Variants in HIGD1C observed in about 807,000 individuals in gnomAD.
HIGD1C encodes HIG1 hypoxia inducible domain family member 1C, also known as HIG1 domain family member 1C.
Under a neutral mutation model 13.1 loss-of-function variants are expected in HIGD1C, and 11 were observed. The ratio of observed to expected loss-of-function variants is 0.84; its 90% CI spans 0.53 to 1.39. The LOEUF is 1.39. HIGD1C is among the 40% of genes most tolerant of loss of function. The probability of loss-of-function intolerance (pLI) is 0.00; values close to 1 mark genes in which losing one functional copy is unlikely to be tolerated. For synonymous variants in HIGD1C, 36 were observed against 37.7 expected, an observed-to-expected ratio of 0.95 and a Z score of 0.17; for missense variants, 110 against 112.0, an observed-to-expected ratio of 0.98 and a Z score of 0.08.
chr12:50,950,843 A>AT (rs891030456), upstream of HIGD1C, among the ~76,000 whole-genome samples: 19 of 151,198 alleles, frequency 1.3e-4, no homozygotes, highest in South Asian at 6.3e-4. Context: ...CGCCCAGCTA[A>AT]TTTTTTTTGT....
chr12:50,941,805 G>A, the HIGD1C span, among the ~76,000 whole-genome samples: 2 of 152,114 alleles, frequency 1.3e-5, no homozygotes, highest in Non-Finnish European at 2.9e-5. Flanking sequence ...CTATCAACCA[G>A]GACTGATTCC....
At chr12:50,954,078 C>A (rs1303885730) in exon 1 of HIGD1C, 3 of 1,607,742 alleles carry the variant, frequency 1.9e-6, no homozygotes, top group Admixed American at 3.3e-5. Context: ...AGAGACTCCC[C>A]CTTTGTCCCT....
chr12:50,942,752 T>C, the HIGD1C span, among the ~76,000 whole-genome samples: 1 of 151,958 alleles, frequency 6.6e-6, no homozygotes, highest in Non-Finnish European at 1.5e-5. Context: ...TGGTCCCAGC[T>C]ACTCAGGAGG....
upstream of HIGD1C, chr12:50,953,893 A>AAAAC: frequency 1.6e-6 from 1 of 643,784 alleles, no homozygotes. Flanking sequence ...CAAACAAATG[A>AAAAC]AAACAAAAAA....
upstream of HIGD1C, among the ~76,000 whole-genome samples, chr12:50,952,912 T>C (rs75867667): frequency 0.018 from 2,807 of 152,236 alleles, 78 homozygotes; most frequent in African/African-American, 0.064. Flanking sequence ...AGTCAGGTAC[T>C]AAGACTCAAC....
chr12:50,957,207 C>T (rs1345858953), intron 1 of HIGD1C, among the ~76,000 whole-genome samples: 1 of 146,714 alleles, frequency 6.8e-6, no homozygotes, highest in Non-Finnish European at 1.5e-5. Flanking sequence ...AAATTACTTG[C>T]TTTTTTTTCT....
the HIGD1C span, among the ~76,000 whole-genome samples, chr12:50,943,987 C>T: frequency 4.6e-5 from 7 of 152,150 alleles, no homozygotes; most frequent in African/African-American, 1.7e-4. Context: ...TTCAACGATG[C>T]TTATAAATCT....
chr12:50,964,185 T>C (rs1939454550), intron 2 of HIGD1C, among the ~76,000 whole-genome samples: 1 of 152,208 alleles, frequency 6.6e-6, no homozygotes, highest in African/African-American at 2.4e-5. Context: ...TGCATTCATA[T>C]CAAAATAAGG....
At chr12:50,938,995 G>A in the HIGD1C span, among the ~76,000 whole-genome samples, 46 of 152,238 alleles carry the variant, frequency 3.0e-4, no homozygotes, top group African/African-American at 1.1e-3. Context: ...GTACAAAGAA[G>A]TGGCTTCCTA....
the HIGD1C span, among the ~76,000 whole-genome samples, chr12:50,934,513 G>C: frequency 1.3e-5 from 2 of 152,204 alleles, no homozygotes; most frequent in Non-Finnish European, 2.9e-5. Context: ...GCCTGGCTTA[G>C]AGCCCTGAAT....
At chr12:50,964,608 T>C (rs1939472931) in intron 2 of HIGD1C, among the ~76,000 whole-genome samples, 1 of 152,204 alleles carries the variant, frequency 6.6e-6, no homozygotes, top group African/African-American at 2.4e-5. Flanking sequence ...ACAGCCCTGA[T>C]ATTAGGCAGT....
At chr12:50,952,129 T>G (rs951941049), upstream of HIGD1C, among the ~76,000 whole-genome samples, 1 of 151,062 alleles carries the variant, frequency 6.6e-6, no homozygotes, top group East Asian at 1.9e-4. Flanking sequence ...ATAAAATCTT[T>G]AGATTGAAAA....
exon 2 of HIGD1C, chr12:50,961,059 G>T: frequency 6.2e-7 from 1 of 1,612,484 alleles, no homozygotes; most frequent in Non-Finnish European, 8.5e-7. Context: ...TTATTCACAT[G>T]AGAGTTGCTG....
At chr12:50,959,771 C>T (rs1452407646) in intron 1 of HIGD1C, among the ~76,000 whole-genome samples, 1 of 152,156 alleles carries the variant, frequency 6.6e-6, no homozygotes, top group African/African-American at 2.4e-5. Flanking sequence ...CCTCAGCCTC[C>T]CAAGTAGCTG....
chr12:50,932,761 C>T, the HIGD1C span, among the ~76,000 whole-genome samples: 2 of 152,188 alleles, frequency 1.3e-5, no homozygotes, highest in Non-Finnish European at 2.9e-5. Flanking sequence ...GTCTAACGAT[C>T]CCATTTGTGA....
upstream of HIGD1C, among the ~76,000 whole-genome samples, chr12:50,953,352 G>A (rs1397199466): frequency 1.3e-5 from 2 of 152,218 alleles, no homozygotes; most frequent in East Asian, 1.9e-4. Context: ...ACAATAAGCT[G>A]CACAGGGAAC....
chr12:50,948,262 T>A, the HIGD1C span, among the ~76,000 whole-genome samples: 2 of 152,204 alleles, frequency 1.3e-5, no homozygotes, highest in African/African-American at 4.8e-5. Context: ...ACAAATAAGT[T>A]ATTGAATATG....
chr12:50,945,424 T>C, the HIGD1C span, among the ~76,000 whole-genome samples: 6 of 152,140 alleles, frequency 3.9e-5, no homozygotes, highest in Non-Finnish European at 7.3e-5. Flanking sequence ...ATCATAAGCA[T>C]TCCTATACAC....
At chr12:50,960,865 A>T in intron 1 of HIGD1C, 103 bp from the exon 4 acceptor site, 1 of 942,654 alleles carries the variant, frequency 1.1e-6, no homozygotes, top group Non-Finnish European at 1.5e-6. Flanking sequence ...TTTTTTTTAG[A>T]GATGGGGTCT....
Sources: gnomAD v4.1 joint callset for allele counts (sites outside exome capture counted in the v4.1 genomes callset) on GRCh38, gnomAD v4.1.1 for gene constraint, MANE v1.5 for transcripts, NCBI Gene and HGNC (gene_info 2026-07-23, HGNC 2026-07-21) for gene names.